IL11RA: variants seen among roughly 807,000 people sequenced by gnomAD.
The protein encoded by IL11RA is interleukin-11 receptor subunit alpha.
A neutral mutation model predicts 57.0 loss-of-function variants in IL11RA; 51 were observed. That is an observed-to-expected ratio of 0.89 (90% confidence interval 0.71 to 1.13). IL11RA has a LOEUF of 1.13. Ranked by LOEUF, IL11RA falls within the 50% of genes most tolerant of loss-of-function variation. The pLI, the probability that IL11RA is intolerant of heterozygous loss-of-function variation, is 0.00. For synonymous variants in IL11RA, 199 were observed against 217.5 expected (o/e 0.91, Z 0.75); for missense variants, 498 against 539.4 (o/e 0.92, Z 0.76).
intron 10 of IL11RA, 51 bp from the exon 11 acceptor site, chr9:34,660,453 C>T (rs376717978): frequency 7.4e-6 from 12 of 1,613,848 alleles, no homozygotes; most frequent in Admixed American, 1.7e-5. Context: ...GAAAAGGGGA[C>T]ACCGAGCTTG....
intron 9 of IL11RA, 142 bp from the exon 10 acceptor site, chr9:34,660,132 G>A: frequency 7.5e-7 from 1 of 1,330,158 alleles, no homozygotes; most frequent in Non-Finnish European, 1.1e-6. Context: ...AGCTTGCCAT[G>A]CTCCCTAGGA....
rs1366839739 is a variant in IL11RA, at chr9:34,658,243, C to T, written c.647-277C>T. Among the ~76,000 whole-genome samples the T allele has an allele frequency of 6.6e-6, 1 of 152,114 alleles. No individual in the cohort carries two copies. Among genetic ancestry groups the T allele is most frequent in the African/African-American group, 2.4e-5 (1 of 41,414 alleles). The stretch of plus-strand genomic sequence containing the variant: ...TTTTTGTAGAGACAGGGTTTTGCTA[C>T]GTTGCCCACGCTGGTCTCAAACTCG... On this transcript the variant is annotated intron_variant, in intron 7 of 12. Transcript: ENST00000441545. The surrounding 1 kb of genome is among the most constrained non-coding windows in gnomAD (Gnocchi z 4.0).
At chr9:34,661,368 C>T (rs1047936829) in intron 12 of IL11RA, 114 bp from the exon 13 acceptor site, 2 of 1,150,388 alleles carry the variant, frequency 1.7e-6, no homozygotes, top group Admixed American at 1.7e-5. Flanking sequence ...CTGGGCTCCT[C>T]TACTCATCTT....
rs759537683 is a variant in IL11RA, at chr9:34,658,579, C to T, written c.706C>T (p.Leu236=). 2 of 1,614,182 alleles carry T rather than the reference C, an allele frequency of 1.2e-6. No individual in the cohort carries two copies. Among genetic ancestry groups the T allele is most frequent in the South Asian group, 2.2e-5 (2 of 91,088 alleles). Residue 236 remains leucine, a synonymous_variant, in exon 8 of 13, where the codon CTG becomes TTG. Coordinates refer to ENST00000441545, the MANE Select transcript of IL11RA (RefSeq NM_001142784.3). The surrounding 1 kb of genome is among the most constrained non-coding windows in gnomAD (Gnocchi z 4.0). ...VESVPGYPRR[L]RASWTYPASW... is the part of the protein sequence containing the mutation. ...GTCAGTACCAGGTTACCCCCGACGC[C>T]TGCGAGCCAGCTGGACATACCCTGC...
At chr9:34,655,719 G>A in intron 3 of IL11RA, 54 bp downstream of exon 3, 1 of 1,514,408 alleles carries the variant, frequency 6.6e-7, no homozygotes, top group Non-Finnish European at 9.2e-7. Flanking sequence ...TCTTGACTCT[G>A]CCTAGTCCTC....
chr9:34,660,995 C>A, intron 12 of IL11RA, 59 bp downstream of exon 12: 1 of 1,373,078 alleles, frequency 7.3e-7, no homozygotes, highest in Non-Finnish European at 1.0e-6. Context: ...TTTGAGTGTC[C>A]AGATTAAGAG....
At position 34,660,312 on chromosome 9, in the gene IL11RA, C is replaced by T; in HGVS notation, c.991C>T (p.His331Tyr). 6.2e-7 allele frequency: 1 copy of T among 1,614,274 alleles called. No homozygotes were observed. The highest frequency in any genetic ancestry group is 2.2e-5 in the East Asian group (1 of 44,890). ...GGAGATACCAGCATGGGGCCAGCTA[C>T]ACACGCAGCCAGAGGTGGAGCCTCA... The part of the protein sequence containing the change: ...PKEIPAWGQL[H>Y]TQPEVEPQVD... The change falls in exon 10 of 13, where the codon CAC becomes TAC. Residue 331 changes from histidine (H) to tyrosine (Y), a missense_variant. Coordinates refer to ENST00000441545, the MANE Select transcript of IL11RA (RefSeq NM_001142784.3).
chr9:34,657,009 TC>T (rs773955066), intron 4 of IL11RA, 25 bp from the exon 5 acceptor site: 1 of 1,610,828 alleles, frequency 6.2e-7, no homozygotes, highest in South Asian at 1.1e-5. Context: ...GACTGCTCAG[TC>T]TCCAGGTGTA....
rs1173665130 is a variant in IL11RA at position 34,658,092 on chromosome 9, G to A, written c.647-428G>A. On this transcript the variant is annotated intron_variant, in intron 7 of 12. Coordinates refer to ENST00000441545, the MANE Select transcript of IL11RA (RefSeq NM_001142784.3). The surrounding 1 kb of genome is among the most constrained non-coding windows in gnomAD (Gnocchi z 4.0). ...TCACTTTGTGCCCAGGCTGGATGAA[G>A]TTCAGTGGTGTGATCTTGGCTCACT... 6.6e-6 allele frequency among the ~76,000 whole-genome samples: 1 copy of A among 152,144 alleles called. No individual in the cohort carries two copies. Among genetic ancestry groups the A allele is most frequent in the African/African-American group, 2.4e-5 (1 of 41,406 alleles).
At position 34,661,548 on chromosome 9, in the gene IL11RA, G is replaced by A. The variant is rs536896099; in HGVS notation, c.*50G>A. Reference sequence around the variant, plus strand: ...TTCCACCTATAATTCTGTCTTGCTGGTGTGGATAGAAACCAGGCAGGACAG... The same window carrying A: ...TTCCACCTATAATTCTGTCTTGCTGATGTGGATAGAAACCAGGCAGGACAG... On this transcript the variant is annotated 3_prime_UTR_variant, in exon 13 of 13. Transcript: ENST00000441545. 1.9e-6 allele frequency: 3 copies of A among 1,591,782 alleles called. No homozygotes were observed. The highest frequency in any genetic ancestry group is 8.6e-7 in the Non-Finnish European group (1 of 1,159,598).
At chr9:34,654,491 A>C (rs1332949510) in intron 1 of IL11RA, among the ~76,000 whole-genome samples, 1 of 89,028 alleles carries the variant, frequency 1.1e-5, no homozygotes, top group African/African-American at 4.4e-5. Flanking sequence ...CTCCTCGCCC[A>C]CCCCCAGCCT....
chr9:34,661,324 G>A (rs964775242), intron 12 of IL11RA, among the ~76,000 whole-genome samples, 158 bp from the exon 13 acceptor site: 5 of 151,954 alleles, frequency 3.3e-5, no homozygotes, highest in African/African-American at 4.8e-5. Flanking sequence ...GTCCACTCCC[G>A]TATCTTCAGT....
chr9:34,653,278 C>G lies in IL11RA; in HGVS notation c.-1+1045C>G, dbSNP rs1047163856. ...TGAGTCTGAGGCGGTGTGGCTGTGCCCGTGTGACTGTGAGTGACCGCATGT... is the reference window on the plus strand; with the variant it reads ...TGAGTCTGAGGCGGTGTGGCTGTGCGCGTGTGACTGTGAGTGACCGCATGT... On this transcript the variant is annotated intron_variant, in intron 1 of 12. Coordinates refer to ENST00000441545, the MANE Select transcript of IL11RA (RefSeq NM_001142784.3). This position sits in a 1 kb window ranked among gnomAD's most constrained non-coding sequence, Gnocchi z 4.5. Among the ~76,000 whole-genome samples the G allele has an allele frequency of 6.6e-6, 1 of 152,100 alleles. No individual in the cohort carries two copies. Among genetic ancestry groups the G allele is most frequent in the Non-Finnish European group, 1.5e-5 (1 of 68,028 alleles).
chr9:34,658,519 G>T lies in IL11RA; in HGVS notation c.647-1G>T. 1 of 1,614,150 alleles carries T rather than the reference G, an allele frequency of 6.2e-7. No individual in the cohort carries two copies. Among genetic ancestry groups the T allele is most frequent in the Non-Finnish European group, 8.5e-7 (1 of 1,180,030 alleles). On this transcript the variant is annotated splice_acceptor_variant, in intron 7 of 12. Transcript: ENST00000441545. LOFTEE classifies it high-confidence loss of function. This position sits in a 1 kb window ranked among gnomAD's most constrained non-coding sequence, Gnocchi z 4.0. ...CTGACTTTGTGTCTTGATGCCCTTA[G>T]TGCGCCCTGACCCACCCCAGGGCCT...
intron 1 of IL11RA, 113 bp from the exon 2 acceptor site, chr9:34,655,105 C>T: frequency 1.3e-6 from 1 of 759,600 alleles, no homozygotes; most frequent in Non-Finnish European, 2.4e-6. Flanking sequence ...CAGCCTTACC[C>T]CACTTGGTGC....
At chr9:34,657,012 C>G (rs999293166) in intron 4 of IL11RA, 23 bp from the exon 5 acceptor site, 2 of 1,609,540 alleles carry the variant, frequency 1.2e-6, no homozygotes, top group Admixed American at 1.7e-5. Flanking sequence ...TGCTCAGTCT[C>G]CAGGTGTACC....
intron 1 of IL11RA, 149 bp from the exon 2 acceptor site, chr9:34,655,069 A>T: frequency 1.5e-6 from 1 of 683,366 alleles, no homozygotes; most frequent in Non-Finnish European, 2.7e-6. Context: ...AGGGGACCTC[A>T]GGTCAGTTCC....
Position 34,657,580 on chromosome 9 carries a change from G to T in IL11RA, c.639G>T (p.Gln213His). ...CACGCCTGCTGGATGTGAGCTTGCA[G>T]AGCATCTGTGAGTACCCACCCCAGA... ...ASTRLLDVSL[Q>H]SILRPDPPQG... is the part of the protein sequence containing the mutation. Residue 213 changes from glutamine to histidine, a missense_variant, in exon 7 of 13, where the codon CAG becomes CAT. Gln to His is a conservative substitution (Grantham distance 24). Coordinates refer to ENST00000441545, the MANE Select transcript of IL11RA (RefSeq NM_001142784.3). The T allele has an allele frequency of 6.2e-7, 1 of 1,614,052 alleles. No individual in the cohort carries two copies. The highest frequency in any genetic ancestry group is 8.5e-7 in the Non-Finnish European group (1 of 1,179,960).
Position 34,657,321 on chromosome 9 carries a change from A to G in IL11RA, c.465A>G (p.Gly155=). ...LTSYRKKTVL[G]ADSQRRSPST... is the part of the protein sequence containing the mutation. ...CCACCAGGAAGAAGACAGTCCTAGG[A>G]GCTGATAGCCAGAGGTAGGACGTGA... Residue 155 remains glycine (G), a synonymous_variant, in exon 6 of 13, where the codon GGA becomes GGG. Transcript: ENST00000441545. The G allele has an allele frequency of 6.2e-7, 1 of 1,614,140 alleles. No homozygotes were observed.
Sources: allele counts gnomAD v4.1 joint callset (sites outside exome capture counted in the v4.1 genomes callset), GRCh38; gene constraint gnomAD v4.1.1; non-coding constraint Gnocchi (gnomAD v3.1); transcripts MANE v1.5; gene names NCBI Gene and HGNC (gene_info 2026-07-23, HGNC 2026-07-21).